EYA2: variants seen among roughly 807,000 people sequenced by gnomAD.
The protein encoded by EYA2 is protein phosphatase EYA2.
In EYA2, 31 loss-of-function variants were observed where a neutral mutation model predicts 69.2. The observed-to-expected ratio is 0.45, with a 90% CI of 0.34 to 0.60. The LOEUF (loss-of-function observed/expected upper bound fraction) is 0.60. Among genes scored for constraint, EYA2 ranks in the 20% least tolerant of loss-of-function variants. EYA2 has a pLI of 0.02. For synonymous variants in EYA2, 257 were observed against 279.4 expected, an observed-to-expected ratio of 0.92 and a Z score of 0.80; for missense variants, 622 against 701.2, an observed-to-expected ratio of 0.89 and a Z score of 1.28.
At chr20:47,025,788 T>C (rs1984044896) in intron 5 of EYA2, among the ~76,000 whole-genome samples, 1 of 152,212 alleles carries the variant, frequency 6.6e-6, no homozygotes, top group African/African-American at 2.4e-5. Context: ...CCCCCAGCAG[T>C]GTCTGGGAGT....
At chr20:47,064,583 C>T (rs896566493) in intron 5 of EYA2, among the ~76,000 whole-genome samples, 2 of 152,234 alleles carry the variant, frequency 1.3e-5, no homozygotes, top group African/African-American at 4.8e-5. Flanking sequence ...GCTTTTTATG[C>T]ACCGTTTTAC....
intron 1 of EYA2, among the ~76,000 whole-genome samples, chr20:46,900,067 A>G (rs1984018883): frequency 6.6e-6 from 1 of 152,180 alleles, no homozygotes; most frequent in Non-Finnish European, 1.5e-5. Flanking sequence ...TGTAATTTCA[A>G]TGGCATTGCA....
intron 9 of EYA2, among the ~76,000 whole-genome samples, chr20:47,113,373 G>A (rs2032804758): frequency 6.6e-6 from 1 of 152,180 alleles, no homozygotes; most frequent in African/African-American, 2.4e-5. Context: ...AGTCCCAGGA[G>A]AGAGGGGCTG....
At chr20:47,005,993 TG>T (rs1182197668) in intron 4 of EYA2, among the ~76,000 whole-genome samples, 1 of 152,236 alleles carries the variant, frequency 6.6e-6, no homozygotes, top group Non-Finnish European at 1.5e-5. Flanking sequence ...CCTAGGGCAC[TG>T]GCTTCAGGCA....
intron 1 of EYA2, among the ~76,000 whole-genome samples, chr20:46,932,350 G>A (rs959757169): frequency 2.6e-5 from 4 of 152,094 alleles, no homozygotes; most frequent in African/African-American, 9.7e-5. Flanking sequence ...CCCCCACCAA[G>A]TGGTACATGG....
At chr20:47,093,917 T>C (rs1361200759) in intron 8 of EYA2, among the ~76,000 whole-genome samples, 1 of 152,234 alleles carries the variant, frequency 6.6e-6, no homozygotes, top group African/African-American at 2.4e-5. Flanking sequence ...ACGCTGCCCT[T>C]GTCTCCCCTT....
intron 1 of EYA2, among the ~76,000 whole-genome samples, chr20:46,902,858 T>C (rs1434173047): frequency 2.0e-5 from 3 of 152,216 alleles, no homozygotes; most frequent in African/African-American, 7.2e-5. Flanking sequence ...ACAGCCGTAC[T>C]ACAAAGACCA....
rs769782587 is a variant in EYA2, at chr20:47,078,327, GCGCGCACACA to G, written c.661+3994_661+4003del. The stretch of plus-strand genomic sequence containing the variant: ...TGTGCACATGTGCACGTGCGCGCGC[GCGCGCACACA>G]CACACACACACACACACACACACAC... On this transcript the variant is annotated intron_variant, in intron 7 of 15. Transcript: ENST00000327619. 6.0e-3 allele frequency among the ~76,000 whole-genome samples: 470 copies of G among 78,100 alleles called. 2 individuals carry two copies. Among genetic ancestry groups the G allele is most frequent in the Middle Eastern group, 0.047 (6 of 128 alleles). 51.2% of individuals were successfully genotyped at this position (78,100 alleles called of 152,430 possible).
At chr20:46,951,458 A>G (rs1978787281) in intron 1 of EYA2, among the ~76,000 whole-genome samples, 2 of 152,094 alleles carry the variant, frequency 1.3e-5, no homozygotes, top group African/African-American at 4.8e-5. Context: ...AGTGGGTTCT[A>G]CCCTCTGCAA....
intron 1 of EYA2, among the ~76,000 whole-genome samples, chr20:46,947,411 A>C (rs925430467): frequency 3.9e-5 from 6 of 152,148 alleles, no homozygotes; most frequent in Non-Finnish European, 8.8e-5. Context: ...ATACACACAG[A>C]TGTCCCCACC....
At chr20:47,104,475 CT>C (rs1438641488) in intron 9 of EYA2, among the ~76,000 whole-genome samples, 3 of 151,938 alleles carry the variant, frequency 2.0e-5, no homozygotes, top group Admixed American at 2.0e-4. Context: ...GTTACTTTTG[CT>C]TTTGGTGTCA....
chr20:46,942,505 G>A (rs1986199888), intron 1 of EYA2, among the ~76,000 whole-genome samples: 1 of 152,210 alleles, frequency 6.6e-6, no homozygotes, highest in South Asian at 2.1e-4. Flanking sequence ...TTGTGTAGTT[G>A]TGTAGTGTGG....
intron 10 of EYA2, among the ~76,000 whole-genome samples, chr20:47,147,563 C>T (rs1050981937): frequency 3.9e-5 from 6 of 152,074 alleles, no homozygotes; most frequent in African/African-American, 1.4e-4. Context: ...CGCCTTTGGG[C>T]CATTGTAAGG....
At chr20:46,981,327 G>GTT (rs916366874) in intron 1 of EYA2, among the ~76,000 whole-genome samples, 3 of 152,186 alleles carry the variant, frequency 2.0e-5, no homozygotes, top group Non-Finnish European at 4.4e-5. Flanking sequence ...TGAGTTGCTT[G>GTT]TTCACATTCC....
Position 46,953,306 on chromosome 20 carries a change from G to C in EYA2, c.-10-36695G>C, listed in dbSNP as rs138319639. Among the ~76,000 whole-genome samples the C allele has an allele frequency of 2.0e-3, 300 of 152,276 alleles. 3 individuals carry two copies. Among genetic ancestry groups the C allele is most frequent in the African/African-American group, 6.8e-3 (281 of 41,542 alleles). On this transcript the variant is annotated intron_variant, in intron 1 of 15. Transcript: ENST00000327619. Reference sequence around the variant, plus strand: ...TTGAGAACTCCGCGGGTTAACCCAAGAGTTATGGGACCTGGTTATGGAACC... The same window carrying C: ...TTGAGAACTCCGCGGGTTAACCCAACAGTTATGGGACCTGGTTATGGAACC...
intron 5 of EYA2, among the ~76,000 whole-genome samples, chr20:47,017,987 C>T (rs1286674463): frequency 2.0e-5 from 3 of 152,206 alleles, no homozygotes; most frequent in African/African-American, 4.8e-5. Flanking sequence ...TCTGCTCTCA[C>T]GTCTGTGTCC....
intron 9 of EYA2, among the ~76,000 whole-genome samples, chr20:47,127,129 T>G (rs1216374659): frequency 6.6e-6 from 1 of 151,744 alleles, no homozygotes; most frequent in Non-Finnish European, 1.5e-5. Flanking sequence ...AGTTAATTAA[T>G]TAACTTAGTG....
At chr20:47,040,327 C>G (rs926067223) in intron 5 of EYA2, among the ~76,000 whole-genome samples, 1 of 152,176 alleles carries the variant, frequency 6.6e-6, no homozygotes, top group Non-Finnish European at 1.5e-5. Context: ...GAAGTGGGAA[C>G]GGTCTTGGCA....
intron 1 of EYA2, among the ~76,000 whole-genome samples, chr20:46,896,143 A>T (rs938814364): frequency 6.6e-6 from 1 of 152,166 alleles, no homozygotes; most frequent in Non-Finnish European, 1.5e-5. Flanking sequence ...GCTGTTAGCG[A>T]GGGCGGAGGG....
Sources: allele counts gnomAD v4.1 joint callset (sites outside exome capture counted in the v4.1 genomes callset), GRCh38; gene constraint gnomAD v4.1.1; transcripts MANE v1.5; gene names NCBI Gene and HGNC (gene_info 2026-07-23, HGNC 2026-07-21).